THOP1: variants seen among roughly 807,000 people sequenced by gnomAD.
THOP1 encodes the protein thimet oligopeptidase.
In THOP1, 49 loss-of-function variants were observed where a neutral mutation model predicts 71.8. The ratio of observed to expected loss-of-function variants is 0.68; its 90% CI spans 0.54 to 0.87. The LOEUF is 0.87. Among genes scored for constraint, THOP1 ranks in the 40% least tolerant of loss-of-function variants. The pLI is 0.00. For synonymous variants in THOP1, 426 were observed against 421.5 expected (o/e 1.01, Z -0.13); for missense variants, 843 against 975.6 (o/e 0.86, Z 1.81).
In THOP1 at chr19:2,807,696, T is replaced by G. The variant is rs781534773; in HGVS notation, c.1141T>G (p.Phe381Val). ...GIYQELLGLA[F>V]HHEEGASAWH... ...CTACCAGGAGCTCCTGGGGCTGGCCTTCCACCACGAGGAGGGCGCCAGTGC... is the reference window on the plus strand; with the variant it reads ...CTACCAGGAGCTCCTGGGGCTGGCCGTCCACCACGAGGAGGGCGCCAGTGC... Residue 381 changes from phenylalanine to valine, a missense_variant, in exon 8 of 13, where the codon TTC becomes GTC. Transcript: ENST00000307741. 4 of 1,603,972 alleles carry G rather than the reference T, an allele frequency of 2.5e-6. No homozygotes were observed. The highest frequency in any genetic ancestry group is 3.4e-6 in the Non-Finnish European group (4 of 1,173,380).
In THOP1 at chr19:2,804,016, C is replaced by T. The variant is rs138889266; in HGVS notation, c.590-1000C>T. 3.0e-3 allele frequency among the ~76,000 whole-genome samples: 447 copies of T among 151,390 alleles called. 1 individual carries two copies. The highest frequency in any genetic ancestry group is 9.3e-3 in the African/African-American group (383 of 41,176). On this transcript the variant is annotated intron_variant, in intron 5 of 12. Transcript: ENST00000307741. The surrounding 1 kb of genome is among the most constrained non-coding windows in gnomAD (Gnocchi z 4.7). The stretch of plus-strand genomic sequence containing the variant: ...GAGCTCCCGATCGTTCTTTCTACCC[C>T]TACTGCTCTGGGGTCCGTGTGAGCT...
chr19:2,798,917 G>A (rs1916080323), intron 4 of THOP1, among the ~76,000 whole-genome samples: 1 of 152,208 alleles, frequency 6.6e-6, no homozygotes, highest in Admixed American at 6.5e-5. Context: ...TCACCTCCCA[G>A]CCTTCAAGGC....
Position 2,799,730 on chromosome 19 carries a change from C to G in THOP1, c.528C>G (p.Ile176Met). 1 of 1,613,850 alleles carries G rather than the reference C, an allele frequency of 6.2e-7. No homozygotes were observed. Among genetic ancestry groups the G allele is most frequent in the Non-Finnish European group, 8.5e-7 (1 of 1,179,898 alleles). Residue 176 changes from isoleucine to methionine, a missense_variant, in exon 5 of 13, where the codon ATC (isoleucine) becomes ATG (methionine). Coordinates refer to ENST00000307741, the MANE Select transcript of THOP1 (RefSeq NM_003249.5). ...RIKKKLSLLC[I>M]DFNKNLNEDT... Reference sequence around the variant, plus strand: ...AGAAGAAGCTGAGCCTTCTGTGCATCGACTTCAACAAGAACCTGAACGAGG... The same window carrying G: ...AGAAGAAGCTGAGCCTTCTGTGCATGGACTTCAACAAGAACCTGAACGAGG...
In THOP1 at chr19:2,815,324, C is replaced by T. The variant is rs376010331; in HGVS notation, c.*2048C>T. On this transcript the variant is annotated 3_prime_UTR_variant, in exon 13 of 13. Transcript: ENST00000307741. ...GGGTCACAGCCTTGGGCTGCTGGGCCGTGGGCGGATGGCCTGGACCATCCA... is the reference window on the plus strand; with the variant it reads ...GGGTCACAGCCTTGGGCTGCTGGGCTGTGGGCGGATGGCCTGGACCATCCA... 6 of 152,412 alleles carry T rather than the reference C, an allele frequency of 3.9e-5. No individual in the cohort carries two copies. Among genetic ancestry groups the T allele is most frequent in the African/African-American group, 7.2e-5 (3 of 41,562 alleles). The allele number at this position is 152,412 out of a possible 1,614,324, so 9.4% of individuals were successfully genotyped here. A position where few individuals can be genotyped will look rare whatever the true frequency, so the allele number is the denominator to read the frequency against.
chr19:2,806,804 C>G (rs1916302538), intron 6 of THOP1, 113 bp from the exon 7 acceptor site: 2 of 1,561,668 alleles, frequency 1.3e-6, no homozygotes, highest in Admixed American at 2.0e-5. Flanking sequence ...GGGGCAGGGA[C>G]CGGAGGTCAG....
chr19:2,794,939 A>G, intron 3 of THOP1, 27 bp downstream of exon 3: 1 of 1,591,340 alleles, frequency 6.3e-7, no homozygotes, highest in Non-Finnish European at 8.6e-7. Flanking sequence ...GGGAGTGCAA[A>G]TAGCCTCCCA....
At chr19:2,797,662 G>A (rs950911736) in intron 4 of THOP1, among the ~76,000 whole-genome samples, 1 of 152,222 alleles carries the variant, frequency 6.6e-6, no homozygotes, top group Non-Finnish European at 1.5e-5. Context: ...TGTGATGTTC[G>A]CTCCTATTAA....
intron 1 of THOP1, among the ~76,000 whole-genome samples, chr19:2,787,904 G>C (rs953975137): frequency 6.6e-6 from 1 of 152,278 alleles, no homozygotes; most frequent in Non-Finnish European, 1.5e-5. Context: ...GAGACACCCT[G>C]GTGCGTATTC....
intron 3 of THOP1, among the ~76,000 whole-genome samples, 154 bp downstream of exon 3, chr19:2,795,066 C>T (rs896376908): frequency 3.9e-5 from 6 of 152,314 alleles, no homozygotes; most frequent in South Asian, 4.1e-4. Context: ...TCAAGTGATC[C>T]GCCCACCTCG....
chr19:2,795,424 A>G (rs553477551), intron 3 of THOP1, among the ~76,000 whole-genome samples: 3 of 152,224 alleles, frequency 2.0e-5, no homozygotes, highest in African/African-American at 4.8e-5. Flanking sequence ...TTGATGTCAC[A>G]TGATCAGGAG....
Position 2,810,445 on chromosome 19 carries a change from C to G in THOP1, c.1597C>G (p.Arg533Gly). The change falls in exon 10 of 13, where the codon CGG (arginine) becomes GGG (glycine). Residue 533 changes from arginine to glycine, a missense_variant. Transcript: ENST00000307741. ...CTACCGCACAGGCAGCGCCGTGCCC[C>G]GGGAGCTCCTGGAGAAGCTCATTGA... ...RHYRTGSAVPRELLEKLIESR... is the reference protein window; with the variant it reads ...RHYRTGSAVPGELLEKLIESR... 3 of 1,587,548 alleles carry G rather than the reference C, an allele frequency of 1.9e-6. No individual in the cohort carries two copies. The highest frequency in any genetic ancestry group is 1.7e-6 in the Non-Finnish European group (2 of 1,169,566).
At position 2,794,776 on chromosome 19, in the gene THOP1, T is replaced by C. The variant is rs201707901; in HGVS notation, c.242T>C (p.Ile81Thr). 2.4e-5 allele frequency: 39 copies of C among 1,613,454 alleles called. No individual in the cohort carries two copies. Among genetic ancestry groups the C allele is most frequent in the Non-Finnish European group, 7.6e-6 (9 of 1,179,610 alleles). The change falls in exon 3 of 13, where the codon ATC (isoleucine) becomes ACC (threonine). Residue 81 changes from isoleucine (I) to threonine (T), a missense_variant. Physicochemically the swap from Ile to Thr is moderately conservative, Grantham distance 89. Transcript: ENST00000307741. ...TCCCCTGTTTTAGTTCAGAGGAATA[T>C]CCTTGACTTCCCCCAGCATGTTTCC... ...VEVTYTVQRNILDFPQHVSPS... is the reference protein window; with the variant it reads ...VEVTYTVQRNTLDFPQHVSPS...
intron 2 of THOP1, 96 bp from the exon 3 acceptor site, chr19:2,794,668 T>C: frequency 1.4e-6 from 2 of 1,449,164 alleles, no homozygotes; most frequent in Non-Finnish European, 1.9e-6. Context: ...CACGGGGGGA[T>C]TCAGCAGACA....
At chr19:2,798,792 G>A (rs1410745217) in intron 4 of THOP1, among the ~76,000 whole-genome samples, 1 of 152,198 alleles carries the variant, frequency 6.6e-6, no homozygotes, top group Non-Finnish European at 1.5e-5. Flanking sequence ...CATGGAGCTG[G>A]GCTCCAGACC....
rs764342289 is a variant in THOP1 at position 2,806,962 on chromosome 19, A to G, written c.796A>G (p.Lys266Glu). Residue 266 changes from lysine to glutamate, a missense_variant, in exon 7 of 13, where the codon AAG becomes GAG. Transcript: ENST00000307741. ...LKELVTLRAQ[K>E]SRLLGFHTHA... The stretch of plus-strand genomic sequence containing the variant: ...GGAGCTGGTGACGCTGCGGGCCCAG[A>G]AGTCCCGCCTGCTGGGGTTCCACAC... 3.1e-6 allele frequency: 5 copies of G among 1,612,946 alleles called. No individual in the cohort carries two copies. Among genetic ancestry groups the G allele is most frequent in the African/African-American group, 2.7e-5 (2 of 74,894 alleles).
intron 12 of THOP1, chr19:2,812,196 C>T: frequency 6.6e-7 from 1 of 1,506,362 alleles, no homozygotes; most frequent in Non-Finnish European, 8.9e-7. Context: ...CTCCAACCTC[C>T]AGTTTCCTCA....
rs113316866 is a variant in THOP1 at position 2,810,312 on chromosome 19, C to T, written c.1464C>T (p.Phe488=). ...CTGCCCCATCCCTGCAGGCGGAGTTCGCCATGTTCAGCGGGACCCACGTGG... is the reference window on the plus strand; with the variant it reads ...CTGCCCCATCCCTGCAGGCGGAGTTTGCCATGTTCAGCGGGACCCACGTGG... ...VMHQLCSQAE[F]AMFSGTHVER... Residue 488 remains phenylalanine, a synonymous_variant, in exon 10 of 13, where the codon TTC becomes TTT. Coordinates refer to ENST00000307741, the MANE Select transcript of THOP1 (RefSeq NM_003249.5). 89 of 1,610,982 alleles carry T rather than the reference C, an allele frequency of 5.5e-5. No individual in the cohort carries two copies. The African/African-American group carries it at 7.1e-4, about 13-fold the overall frequency.
At chr19:2,793,164 A>G (rs780829194) in intron 2 of THOP1, among the ~76,000 whole-genome samples, 5 of 151,850 alleles carry the variant, frequency 3.3e-5, no homozygotes, top group Non-Finnish European at 5.9e-5. Flanking sequence ...AACAGCAGCG[A>G]AACTCTGTCT....
rs781343977 is a variant in THOP1 at position 2,806,995 on chromosome 19, G to A, written c.829G>A (p.Asp277Asn). 22 of 1,612,908 alleles carry A rather than the reference G, an allele frequency of 1.4e-5. No homozygotes were observed. The highest frequency in any genetic ancestry group is 6.6e-5 in the South Asian group (6 of 91,072). ...CCTGCTGGGGTTCCACACGCACGCCGACTATGTCCTGGAGATGAACATGGC... is the reference window on the plus strand; with the variant it reads ...CCTGCTGGGGTTCCACACGCACGCCAACTATGTCCTGGAGATGAACATGGC... ...SRLLGFHTHADYVLEMNMAKT... is the reference protein window; with the variant it reads ...SRLLGFHTHANYVLEMNMAKT... The change falls in exon 7 of 13, where the codon GAC becomes AAC. Residue 277 changes from aspartate (D) to asparagine (N), a missense_variant. Physicochemically the swap from Asp to Asn is conservative, Grantham distance 23 (BLOSUM62 1). Coordinates refer to ENST00000307741, the MANE Select transcript of THOP1 (RefSeq NM_003249.5).
Sources: allele counts gnomAD v4.1 joint callset (sites outside exome capture counted in the v4.1 genomes callset), GRCh38; gene constraint gnomAD v4.1.1; non-coding constraint Gnocchi (gnomAD v3.1); transcripts MANE v1.5; gene names NCBI Gene and HGNC (gene_info 2026-07-23, HGNC 2026-07-21).